The following SIL1 variants were observed in gnomAD, a reference collection of about 807,000 sequenced individuals.
SIL1 encodes the protein SIL1 nucleotide exchange factor, also known as nucleotide exchange factor SIL1.
Under a neutral mutation model 49.1 loss-of-function variants are expected in SIL1, and 40 were observed. That is an observed-to-expected ratio of 0.81 (90% CI 0.63 to 1.06). SIL1 has a LOEUF of 1.06. Among genes scored for constraint, SIL1 ranks in the 50% least tolerant of loss-of-function variants. The probability of loss-of-function intolerance (pLI) is 0.00; values close to 1 mark genes in which losing one functional copy is unlikely to be tolerated. For missense variants in SIL1, 500 were observed against 572.6 expected (o/e 0.87, Z 1.29); for synonymous variants, 253 against 250.8 (o/e 1.01, Z -0.08).
intron 3 of SIL1, among the ~76,000 whole-genome samples, chr5:139,061,616 A>C (rs1474075834): frequency 2.0e-5 from 3 of 152,216 alleles, no homozygotes; most frequent in African/African-American, 7.2e-5. Flanking sequence ...GTTTTCCCTA[A>C]TGTGCTACAT....
intron 5 of SIL1, chr5:139,035,296 G>A (rs550060224): frequency 8.2e-5 from 43 of 522,010 alleles, no homozygotes; most frequent in South Asian, 6.1e-4. Flanking sequence ...GATTGGTGCC[G>A]CATCTGTCAA....
At chr5:139,089,724 T>C (rs1770300952) in intron 3 of SIL1, among the ~76,000 whole-genome samples, 1 of 152,200 alleles carries the variant, frequency 6.6e-6, no homozygotes, top group Non-Finnish European at 1.5e-5. Flanking sequence ...TATGTATGAC[T>C]CCATTTACAT....
At chr5:139,180,982 T>C (rs1441144276) in intron 1 of SIL1, among the ~76,000 whole-genome samples, 7 of 152,316 alleles carry the variant, frequency 4.6e-5, no homozygotes, top group African/African-American at 1.7e-4. Flanking sequence ...CATTGTGCTG[T>C]AGTTCAAGGT....
At position 138,956,251 on chromosome 5, in the gene SIL1, A is replaced by G. The variant is rs138084685; in HGVS notation, c.768-4367T>C. Among the ~76,000 whole-genome samples, 853 of 152,318 alleles carry G rather than the reference A, an allele frequency of 5.6e-3. 11 individuals carry two copies. The highest frequency in any genetic ancestry group is 0.02 in the African/African-American group (814 of 41,574). On this transcript the variant is annotated intron_variant, in intron 7 of 9. Coordinates refer to ENST00000394817, the MANE Select transcript of SIL1 (RefSeq NM_022464.5). The stretch of plus-strand genomic sequence containing the variant: ...GCCAGGCTCAATCATTCACCTGATG[A>G]AGTGCAGCTCACCTTCTTGCCCAGA...
At chr5:139,054,656 G>A (rs533924065) in intron 3 of SIL1, among the ~76,000 whole-genome samples, 1 of 152,224 alleles carries the variant, frequency 6.6e-6, no homozygotes, top group Admixed American at 6.5e-5. Flanking sequence ...AAAGAAAAAA[G>A]CATGTAAGTG....
At chr5:139,082,108 A>T (rs985885433) in intron 3 of SIL1, among the ~76,000 whole-genome samples, 1 of 152,198 alleles carries the variant, frequency 6.6e-6, no homozygotes, top group Admixed American at 6.5e-5. Context: ...CACAACAATC[A>T]TATGGGGCAG....
intron 6 of SIL1, among the ~76,000 whole-genome samples, chr5:139,026,045 G>C (rs552602021): frequency 1.3e-5 from 2 of 152,144 alleles, no homozygotes; most frequent in East Asian, 3.9e-4. Context: ...ATCCTATAAC[G>C]CTTGGCCTAA....
chr5:139,036,231 G>A (rs1561837445), intron 5 of SIL1, among the ~76,000 whole-genome samples: 2 of 152,098 alleles, frequency 1.3e-5, no homozygotes, highest in East Asian at 1.9e-4. Flanking sequence ...CTTTGCCCAT[G>A]CCTATGTCCT....
intron 3 of SIL1, among the ~76,000 whole-genome samples, chr5:139,066,086 T>A (rs929466870): frequency 6.6e-6 from 1 of 152,190 alleles, no homozygotes; most frequent in African/African-American, 2.4e-5. Context: ...TGTTCCCTCC[T>A]TGTGCCACTG....
At chr5:138,956,862 G>C (rs1440158966) in intron 7 of SIL1, among the ~76,000 whole-genome samples, 1 of 151,760 alleles carries the variant, frequency 6.6e-6, no homozygotes, top group Non-Finnish European at 1.5e-5. Context: ...CCACTACAAA[G>C]TCAAGCTTCC....
rs527793095 is a variant in SIL1 at position 139,079,011 on chromosome 5, C to T, written c.245-27965G>A. On this transcript the variant is annotated intron_variant, in intron 3 of 9. Transcript: ENST00000394817. ...AGTACTTGAAATGTGACTAGTGATA[C>T]TAAGAAACTGAATTTTTAATTTTTA... Among the ~76,000 whole-genome samples the T allele has an allele frequency of 3.3e-5, 5 of 152,292 alleles. No individual in the cohort carries two copies. In the South Asian group the frequency reaches 1.0e-3, roughly 32 times the overall value.
intron 2 of SIL1, among the ~76,000 whole-genome samples, chr5:139,123,820 A>C (rs922001332): frequency 1.3e-5 from 2 of 152,208 alleles, no homozygotes; most frequent in African/African-American, 4.8e-5. Flanking sequence ...CAACTTGAAA[A>C]CAGAAATCCA....
intron 1 of SIL1, among the ~76,000 whole-genome samples, chr5:139,154,266 T>G (rs1751365454): frequency 6.6e-6 from 1 of 152,112 alleles, no homozygotes. Flanking sequence ...ATCAACAAAG[T>G]TTTCTCCCTC....
intron 5 of SIL1, among the ~76,000 whole-genome samples, chr5:139,030,677 A>AT (rs888170486): frequency 5.3e-5 from 8 of 151,434 alleles, no homozygotes; most frequent in Non-Finnish European, 5.9e-5. Flanking sequence ...GAAAAAAACT[A>AT]TTTTTTGTAG....
rs1039669160 is a variant in SIL1, at chr5:139,146,972, G to A, written c.-10-19119C>T. Among the ~76,000 whole-genome samples the A allele has an allele frequency of 4.6e-5, 7 of 152,188 alleles. 1 individual carries two copies. Among genetic ancestry groups the A allele is most frequent in the Non-Finnish European group, 8.8e-5 (6 of 68,044 alleles). ...ACTGTACTGTAAATATGAATTGCCT[G>A]AGTACATGGGACTCCTTCCTCATCC... On this transcript the variant is annotated intron_variant, in intron 1 of 9. Transcript: ENST00000394817.
intron 4 of SIL1, among the ~76,000 whole-genome samples, chr5:139,046,054 C>T (rs919268095): frequency 3.9e-5 from 6 of 152,272 alleles, no homozygotes; most frequent in African/African-American, 9.6e-5. Context: ...GGCAGCTGGG[C>T]GCGGTGGCTC....
intron 3 of SIL1, among the ~76,000 whole-genome samples, chr5:139,099,871 C>T (rs1380670145): frequency 6.6e-6 from 1 of 152,076 alleles, no homozygotes; most frequent in East Asian, 1.9e-4. Context: ...TTTGATAGCA[C>T]AACACGGTGA....
rs545327989 is a variant in SIL1, at chr5:138,955,236, C to T, written c.768-3352G>A. On this transcript the variant is annotated intron_variant, in intron 7 of 9. Transcript: ENST00000394817. ...AAAGTCAACAGAAGGATATTAAGGA[C>T]GTAGCTCATCTCCGATGCGATAAAT... Among the ~76,000 whole-genome samples, 8 of 152,300 alleles carry T rather than the reference C, an allele frequency of 5.3e-5. No individual in the cohort carries two copies. The East Asian group carries it at 1.2e-3, about 22-fold the overall frequency.
chr5:138,974,477 T>C (rs1461966361), intron 7 of SIL1, among the ~76,000 whole-genome samples: 1 of 152,222 alleles, frequency 6.6e-6, no homozygotes, highest in African/African-American at 2.4e-5. Flanking sequence ...CAATTACTTG[T>C]ACTGTTGAAT....
Sources: gnomAD v4.1 joint callset for allele counts (sites outside exome capture counted in the v4.1 genomes callset) on GRCh38, gnomAD v4.1.1 for gene constraint, MANE v1.5 for transcripts, NCBI Gene and HGNC (gene_info 2026-07-23, HGNC 2026-07-21) for gene names.